Variants in NUP93 observed in about 807,000 individuals in gnomAD.
NUP93 encodes the protein nucleoporin 93, also known as nuclear pore complex protein Nup93.
A neutral mutation model predicts 107.8 loss-of-function variants in NUP93; 55 were observed. The ratio of observed to expected loss-of-function variants is 0.51; its 90% CI spans 0.41 to 0.64. NUP93 has a LOEUF of 0.64. NUP93 is among the 30% of genes least tolerant of loss of function. NUP93 has a pLI of 0.00. For missense variants in NUP93, 937 were observed against 1,044.7 expected (o/e 0.90, Z 1.42); for synonymous variants, 390 against 397.5 (o/e 0.98, Z 0.22).
At chr16:56,828,150 G>A (rs2144623684) in intron 8 of NUP93, among the ~76,000 whole-genome samples, 1 of 145,374 alleles carries the variant, frequency 6.9e-6, no homozygotes, top group Middle Eastern at 3.6e-3. Flanking sequence ...CTTGTTAATA[G>A]GCACTGCATC....
chr16:56,756,341 C>T (rs1001324859), intron 2 of NUP93, among the ~76,000 whole-genome samples: 14 of 138,628 alleles, frequency 1.0e-4, no homozygotes, highest in Non-Finnish European at 1.7e-4. Context: ...TTCCCCTCCC[C>T]GTGTCCATGT....
At chr16:56,823,351 T>C (rs1407969108) in intron 7 of NUP93, among the ~76,000 whole-genome samples, 3 of 152,234 alleles carry the variant, frequency 2.0e-5, no homozygotes, top group Admixed American at 1.3e-4. Context: ...TCTAGAACTT[T>C]GGATGATTAT....
chr16:56,823,894 T>G, intron 8 of NUP93, 48 bp downstream of exon 8: 1 of 1,595,730 alleles, frequency 6.3e-7, no homozygotes, highest in Non-Finnish European at 8.5e-7. Context: ...TCCTTTGCAG[T>G]CAACTGTTTC....
chr16:56,808,267 G>A (rs35377931), intron 5 of NUP93, among the ~76,000 whole-genome samples: 2,911 of 7,112 alleles, frequency 0.41, 378 homozygotes, highest in East Asian at 0.56. Context: ...ATATAGTTAT[G>A]TAACTATATA....
At chr16:56,836,566 C>G (rs761611467) in intron 16 of NUP93, 35 bp from the exon 17 acceptor site, 2 of 1,278,540 alleles carry the variant, frequency 1.6e-6, no homozygotes, top group Non-Finnish European at 2.3e-6. Context: ...GCACCCGTCT[C>G]TCTCTTCCTC....
At chr16:56,837,430 G>A (rs1339831192) in intron 17 of NUP93, among the ~76,000 whole-genome samples, 178 bp from the exon 18 acceptor site, 1 of 152,210 alleles carries the variant, frequency 6.6e-6, no homozygotes, top group Non-Finnish European at 1.5e-5. Flanking sequence ...AGGCATAGTG[G>A]TGCATGCCTG....
At chr16:56,829,560 A>G (rs994171665) in intron 9 of NUP93, among the ~76,000 whole-genome samples, 1 of 152,208 alleles carries the variant, frequency 6.6e-6, no homozygotes, top group Non-Finnish European at 1.5e-5. Context: ...GCCTTATGCA[A>G]AGGGTGGCAG....
At chr16:56,791,061 A>C (rs979085438) in intron 3 of NUP93, among the ~76,000 whole-genome samples, 20 of 152,118 alleles carry the variant, frequency 1.3e-4, no homozygotes, top group Admixed American at 6.6e-5. Context: ...AAAATGAGAG[A>C]TGATACATGA....
chr16:56,844,875 G>A lies in NUP93; in HGVS notation c.*266G>A, dbSNP rs1341077693. The stretch of plus-strand genomic sequence containing the variant: ...CACTAGCTCTTGGGCCAGGGAATGA[G>A]AGGCTATGTAGATATTCATTATTTG... On this transcript the variant is annotated 3_prime_UTR_variant, in exon 22 of 22. Transcript: ENST00000308159. The A allele has an allele frequency of 2.0e-5, 8 of 400,416 alleles. No individual in the cohort carries two copies. Among genetic ancestry groups the A allele is most frequent in the Non-Finnish European group, 3.5e-5 (8 of 227,560 alleles). 24.8% of individuals were successfully genotyped at this position (400,416 alleles called of 1,614,324 possible). A position where few individuals can be genotyped will look rare whatever the true frequency, so the allele number is the denominator to read the frequency against.
At chr16:56,808,131 A>AAT (rs1555494964) in intron 5 of NUP93, among the ~76,000 whole-genome samples, 1 of 95,856 alleles carries the variant, frequency 1.0e-5, no homozygotes, top group African/African-American at 4.0e-5. Context: ...TAACTATATA[A>AAT]ATATATTTAT....
chr16:56,838,975 CAAAT>C lies in NUP93; in HGVS notation c.2047_2050del (p.Lys683LeufsTer12). Reference sequence around the variant, plus strand: ...AGGTATAGGGCTCAAGGAATAAGCGCAAATAAATTTGTGGACTCCACGTTCTATC... The same window carrying C: ...AGGTATAGGGCTCAAGGAATAAGCGCAAATTTGTGGACTCCACGTTCTATC... On this transcript the variant is annotated frameshift_variant, in exon 19 of 22. Coordinates refer to ENST00000308159, the MANE Select transcript of NUP93 (RefSeq NM_014669.5). LOFTEE classifies it high-confidence loss of function. 1 of 1,614,016 alleles carries C rather than the reference CAAAT, an allele frequency of 6.2e-7. No individual in the cohort carries two copies. The highest frequency in any genetic ancestry group is 8.5e-7 in the Non-Finnish European group (1 of 1,179,960).
chr16:56,781,771 A>G (rs1215849351), intron 3 of NUP93: 31 of 965,480 alleles, frequency 3.2e-5, no homozygotes, highest in Non-Finnish European at 3.7e-5. Context: ...TCCCCCTCTT[A>G]AATCTTAACT....
intron 20 of NUP93, among the ~76,000 whole-genome samples, chr16:56,841,013 A>AT (rs1964014476): frequency 6.6e-6 from 1 of 151,770 alleles, no homozygotes; most frequent in Non-Finnish European, 1.5e-5. Context: ...AAAAAAAAAA[A>AT]GTTTCTATTT....
chr16:56,840,460 T>C (rs1310005773), intron 20 of NUP93, among the ~76,000 whole-genome samples: 1 of 152,198 alleles, frequency 6.6e-6, no homozygotes, highest in African/African-American at 2.4e-5. Flanking sequence ...CATACTGGCA[T>C]CTCTAGAAAA....
At position 56,841,839 on chromosome 16, in the gene NUP93, A is replaced by T; in HGVS notation, c.2349+6A>T. ...TCATCGAGGACCGCGACTCTGTAAG[A>T]TCCCAGCATTCGCGAGAAACATTGC... is the stretch of plus-strand genomic sequence containing the variant. On this transcript the variant is annotated splice_donor_region_variant and intron_variant, in intron 21 of 21. Coordinates refer to ENST00000308159, the MANE Select transcript of NUP93 (RefSeq NM_014669.5). 1 of 1,613,660 alleles carries T rather than the reference A, an allele frequency of 6.2e-7. No homozygotes were observed. Among genetic ancestry groups the T allele is most frequent in the Non-Finnish European group, 8.5e-7 (1 of 1,179,814 alleles).
intron 21 of NUP93, 150 bp downstream of exon 21, chr16:56,841,983 A>G: frequency 1.1e-6 from 1 of 898,840 alleles, no homozygotes. Context: ...AGGCTCCCAG[A>G]GGAAATCAAA....
chr16:56,827,305 T>C (rs2144622163), intron 8 of NUP93, among the ~76,000 whole-genome samples: 2 of 152,164 alleles, frequency 1.3e-5, no homozygotes, highest in South Asian at 4.2e-4. Context: ...AGAAGCATGC[T>C]AGCAAATAAA....
In NUP93 at chr16:56,833,205, T is replaced by C. The variant is rs1195591325; in HGVS notation, c.1346-10T>C. The stretch of plus-strand genomic sequence containing the variant: ...GTTGGTTTTATCTCCTCTCCTCTCC[T>C]CTCTCCCAGGCGAGTCCCACTTTAC... On this transcript the variant is annotated splice_polypyrimidine_tract_variant and intron_variant, in intron 12 of 21. Transcript: ENST00000308159. 2 of 1,592,354 alleles carry C rather than the reference T, an allele frequency of 1.3e-6. No individual in the cohort carries two copies. The highest frequency in any genetic ancestry group is 1.7e-6 in the Non-Finnish European group (2 of 1,172,674).
chr16:56,818,132 T>TC (rs1963471538), intron 5 of NUP93, among the ~76,000 whole-genome samples: 1 of 152,224 alleles, frequency 6.6e-6, no homozygotes, highest in Non-Finnish European at 1.5e-5. Flanking sequence ...TGAATGAATG[T>TC]CCAACTTGCC....
Sources: gnomAD v4.1 joint callset for allele counts (sites outside exome capture counted in the v4.1 genomes callset) on GRCh38, gnomAD v4.1.1 for gene constraint, MANE v1.5 for transcripts, NCBI Gene and HGNC (gene_info 2026-07-23, HGNC 2026-07-21) for gene names.